FANCI: variants seen among roughly 807,000 people sequenced by gnomAD.
The protein encoded by FANCI is Fanconi anemia group I protein.
A neutral mutation model predicts 176.1 loss-of-function variants in FANCI; 156 were observed. The ratio of observed to expected loss-of-function variants is 0.89; its 90% CI spans 0.78 to 1.01. The LOEUF is 1.01. FANCI is among the 50% of genes least tolerant of loss of function. The pLI, the probability that FANCI is intolerant of heterozygous loss-of-function variation, is 0.00. For missense variants in FANCI, 1,678 were observed against 1,534.1 expected (o/e 1.09, Z -1.57); for synonymous variants, 613 against 541.7 (o/e 1.13, Z -1.83).
intron 2 of FANCI, among the ~76,000 whole-genome samples, chr15:89,252,859 G>T (rs1030582411): frequency 6.6e-6 from 1 of 152,224 alleles, no homozygotes; most frequent in Admixed American, 6.5e-5. Flanking sequence ...TGATTGGGGA[G>T]TCTCAACATC....
rs2055269914 is a variant in FANCI, at chr15:89,316,510, C to T, written c.*51C>T. 7 of 1,550,688 alleles carry T rather than the reference C, an allele frequency of 4.5e-6. No homozygotes were observed. In the Admixed American group the frequency reaches 7.4e-5, roughly 16 times the overall value. The stretch of plus-strand genomic sequence containing the variant: ...TTTGGGGCTTCTGCTTCATTTTTAC[C>T]CAACAAGCAACAATGCCCCTTGTCC... On this transcript the variant is annotated 3_prime_UTR_variant, in exon 38 of 38. Coordinates refer to ENST00000310775, the MANE Select transcript of FANCI (RefSeq NM_001113378.2).
chr15:89,311,236 G>A lies in FANCI; in HGVS notation c.3652-1668G>A, dbSNP rs189018565. On this transcript the variant is annotated intron_variant, in intron 34 of 37. Coordinates refer to ENST00000310775, the MANE Select transcript of FANCI (RefSeq NM_001113378.2). ...ATCACACCACTGCACTCCAGCCTGG[G>A]CAACAGAGCATGACTCTGTCTCAAA... Among the ~76,000 whole-genome samples the A allele has an allele frequency of 1.8e-3, 275 of 151,476 alleles. 1 individual carries two copies. The highest frequency in any genetic ancestry group is 6.4e-3 in the African/African-American group (265 of 41,286).
chr15:89,265,196 GT>G (rs1159655411), intron 9 of FANCI, among the ~76,000 whole-genome samples: 1 of 151,664 alleles, frequency 6.6e-6, no homozygotes, highest in African/African-American at 2.4e-5. Flanking sequence ...AGGATTTTGG[GT>G]TTTTTTTGTT....
In FANCI at chr15:89,268,505, G is replaced by C; in HGVS notation, c.862G>C (p.Glu288Gln). The C allele has an allele frequency of 6.2e-7, 1 of 1,614,220 alleles. No homozygotes were observed. The highest frequency in any genetic ancestry group is 8.5e-7 in the Non-Finnish European group (1 of 1,180,028). ...CAAATTGGACTATGAACTAGGCAGAGAACTCGTGAAACACTTAAAGGTAGC... is the reference window on the plus strand; with the variant it reads ...CAAATTGGACTATGAACTAGGCAGACAACTCGTGAAACACTTAAAGGTAGC... ...AIKLDYELGRELVKHLKVGQQ... is the reference protein window; with the variant it reads ...AIKLDYELGRQLVKHLKVGQQ... The change falls in exon 10 of 38, where the codon GAA (glutamate) becomes CAA (glutamine). Residue 288 changes from glutamate to glutamine, a missense_variant. Around this residue, in one of 3 missense-constraint regions of FANCI, gnomAD observed 469 missense variants for 436.9 expected, o/e 1.07. Transcript: ENST00000310775.
chr15:89,313,008 T>C (rs1443959841), intron 35 of FANCI, 36 bp downstream of exon 35: 1 of 1,593,398 alleles, frequency 6.3e-7, no homozygotes, highest in Non-Finnish European at 8.6e-7. Flanking sequence ...AATATGCTTG[T>C]TGGTGAACCC....
chr15:89,307,908 G>A, intron 34 of FANCI: 2 of 1,397,356 alleles, frequency 1.4e-6, no homozygotes, highest in Non-Finnish European at 1.9e-6. Context: ...GTTTGCATTT[G>A]GAGCAAGGAA....
chr15:89,295,630 C>T (rs1268685658), intron 24 of FANCI, among the ~76,000 whole-genome samples: 2 of 152,104 alleles, frequency 1.3e-5, no homozygotes, highest in African/African-American at 2.4e-5. Flanking sequence ...TGTGCCATTG[C>T]ACTCTAGCCT....
intron 14 of FANCI, among the ~76,000 whole-genome samples, chr15:89,280,723 T>C (rs17804009): frequency 0.39 from 58,890 of 152,068 alleles, 11,498 homozygotes; most frequent in South Asian, 0.4. Context: ...GTGATTTACC[T>C]CTTTAATTCT....
intron 37 of FANCI, chr15:89,316,193 G>C: frequency 1.7e-6 from 1 of 604,586 alleles, no homozygotes; most frequent in Non-Finnish European, 3.0e-6. Context: ...CTAAAAGGAG[G>C]TGCCACTGTC....
Position 89,248,647 on chromosome 15 carries a change from T to C in FANCI, c.84+916T>C, listed in dbSNP as rs1363746382. 2.4e-4 allele frequency among the ~76,000 whole-genome samples: 37 copies of C among 152,196 alleles called. 1 individual carries two copies. Among genetic ancestry groups the C allele is most frequent in the Admixed American group, 2.4e-3 (37 of 15,282 alleles). Reference sequence around the variant, plus strand: ...TTGATTGAAACTAGCATTTAAATTATTTATTTAAAGTTTCATGCCTCAAAT... The same window carrying C: ...TTGATTGAAACTAGCATTTAAATTACTTATTTAAAGTTTCATGCCTCAAAT... On this transcript the variant is annotated intron_variant, in intron 2 of 37. Coordinates refer to ENST00000310775, the MANE Select transcript of FANCI (RefSeq NM_001113378.2).
intron 23 of FANCI, 48 bp from the exon 24 acceptor site, chr15:89,294,867 C>T (rs1293070094): frequency 4.6e-6 from 7 of 1,524,826 alleles, no homozygotes; most frequent in South Asian, 1.2e-5. Context: ...ATACCAATAG[C>T]AGTAAGGGAA....
At chr15:89,295,197 T>G in intron 24 of FANCI, 103 bp downstream of exon 24, 1 of 1,314,548 alleles carries the variant, frequency 7.6e-7, no homozygotes, top group Non-Finnish European at 1.0e-6. Context: ...GTTGGACATA[T>G]TTTAGGAGTG....
chr15:89,250,831 T>C (rs2052215917), intron 2 of FANCI, among the ~76,000 whole-genome samples: 1 of 151,498 alleles, frequency 6.6e-6, no homozygotes, highest in Non-Finnish European at 1.5e-5. Flanking sequence ...ATCCATGGAA[T>C]AATGTTAAAA....
Position 89,261,817 on chromosome 15 carries a change from C to G in FANCI, c.446-4C>G, listed in dbSNP as rs1178021756. 6.2e-7 allele frequency: 1 copy of G among 1,613,908 alleles called. No homozygotes were observed. The highest frequency in any genetic ancestry group is 1.3e-5 in the African/African-American group (1 of 74,896). On this transcript the variant is annotated splice_polypyrimidine_tract_variant and splice_region_variant and intron_variant, in intron 5 of 37. Transcript: ENST00000310775. ...TCATTGCTCAGTATATTTTGCATTTCTAGGTGTACTGAGTGGGGAAGAATG... is the reference window on the plus strand; with the variant it reads ...TCATTGCTCAGTATATTTTGCATTTGTAGGTGTACTGAGTGGGGAAGAATG...
rs145014236 is a variant in FANCI, at chr15:89,314,196, G to A, written c.3721-416G>A. Among the ~76,000 whole-genome samples, 569 of 145,080 alleles carry A rather than the reference G, an allele frequency of 3.9e-3. 2 individuals are homozygous for A. Among genetic ancestry groups the A allele is most frequent in the Non-Finnish European group, 6.9e-3 (463 of 67,428 alleles). On this transcript the variant is annotated intron_variant, in intron 35 of 37. Coordinates refer to ENST00000310775, the MANE Select transcript of FANCI (RefSeq NM_001113378.2). The stretch of plus-strand genomic sequence containing the variant: ...GGGGGAAAGACACACACACACACAC[G>A]TAGAACCTACAAATTACAATTCACG...
Position 89,299,783 on chromosome 15 carries a change from A to T in FANCI, c.2637-17A>T. On this transcript the variant is annotated splice_polypyrimidine_tract_variant and intron_variant, in intron 24 of 37. Coordinates refer to ENST00000310775, the MANE Select transcript of FANCI (RefSeq NM_001113378.2). Reference sequence around the variant, plus strand: ...TGAACCTGTCTTTAAAAACAATACCACTTTCTCCTGCTTCAGAGTCTTGCT... The same window carrying T: ...TGAACCTGTCTTTAAAAACAATACCTCTTTCTCCTGCTTCAGAGTCTTGCT... The T allele has an allele frequency of 6.2e-7, 1 of 1,611,494 alleles. No homozygotes were observed. The highest frequency in any genetic ancestry group is 8.5e-7 in the Non-Finnish European group (1 of 1,179,002).
At chr15:89,272,293 GTTGT>G (rs776674317) in intron 10 of FANCI, among the ~76,000 whole-genome samples, 3 of 152,112 alleles carry the variant, frequency 2.0e-5, no homozygotes, top group South Asian at 2.1e-4. Flanking sequence ...TTTTGAGTGT[GTTGT>G]TTGTCTTCTT....
At chr15:89,272,054 A>G (rs1387068702) in intron 10 of FANCI, among the ~76,000 whole-genome samples, 1 of 152,174 alleles carries the variant, frequency 6.6e-6, no homozygotes, top group Non-Finnish European at 1.5e-5. Flanking sequence ...ATCATTTTAC[A>G]TTCCCACTAT....
chr15:89,311,409 A>C (rs1204456391), intron 34 of FANCI, among the ~76,000 whole-genome samples: 1 of 152,054 alleles, frequency 6.6e-6, no homozygotes, highest in African/African-American at 2.4e-5. Flanking sequence ...ACAGAGTGAA[A>C]CTCCACCTCA....
Sources: allele counts gnomAD v4.1 joint callset (sites outside exome capture counted in the v4.1 genomes callset), GRCh38; gene constraint gnomAD v4.1.1; regional missense constraint gnomAD v4.1.1; transcripts MANE v1.5; gene names NCBI Gene and HGNC (gene_info 2026-07-23, HGNC 2026-07-21).